Variants in TTLL5 observed in about 807,000 individuals in gnomAD.
The protein encoded by TTLL5 is tubulin tyrosine ligase like 5.
Under a neutral mutation model 168.4 loss-of-function variants are expected in TTLL5, and 132 were observed. The observed-to-expected ratio is 0.78, with a 90% CI of 0.68 to 0.91. TTLL5 has a LOEUF of 0.91. Among genes scored for constraint, TTLL5 ranks in the 40% least tolerant of loss-of-function variants. The pLI is 0.00. For synonymous variants in TTLL5, 546 were observed against 558.6 expected (o/e 0.98, Z 0.32); for missense variants, 1,545 against 1,581.5 (o/e 0.98, Z 0.39).
At chr14:75,741,768 C>T (rs978185634) in intron 15 of TTLL5, among the ~76,000 whole-genome samples, 3 of 152,036 alleles carry the variant, frequency 2.0e-5, no homozygotes, top group Admixed American at 6.6e-5. Context: ...CTACCCGACC[C>T]CAAACATTCA....
At chr14:75,831,369 A>G (rs549974292) in intron 28 of TTLL5, among the ~76,000 whole-genome samples, 49 of 152,346 alleles carry the variant, frequency 3.2e-4, no homozygotes, top group African/African-American at 1.1e-3. Context: ...CAGTGTAACT[A>G]GTATTTAACC....
rs1555353208 is a variant in TTLL5 at position 75,874,933 on chromosome 14, C to CTTTTTTTTTTTTTTTTTT, written c.3523-7751_3523-7734dup. On this transcript the variant is annotated intron_variant, in intron 29 of 31. Coordinates refer to ENST00000298832, the MANE Select transcript of TTLL5 (RefSeq NM_015072.5). Reference sequence around the variant, plus strand: ...AGAGAAAAAAAAAGACACTGGGGGCCTTTTTTTTTTTTTTTTTTGAGACGG... The same window carrying CTTTTTTTTTTTTTTTTTT: ...AGAGAAAAAAAAAGACACTGGGGGCCTTTTTTTTTTTTTTTTTTTTTTTTTTTTTTTTTTTTGAGACGG... Among the ~76,000 whole-genome samples the CTTTTTTTTTTTTTTTTTT allele has an allele frequency of 1.6e-3, 157 of 97,496 alleles. 6 individuals are homozygous for CTTTTTTTTTTTTTTTTTT. Among genetic ancestry groups the CTTTTTTTTTTTTTTTTTT allele is most frequent in the African/African-American group, 6.4e-3 (131 of 20,336 alleles). The allele number at this position is 97,496 out of a possible 152,430, so 64.0% of individuals were successfully genotyped here.
At chr14:75,899,736 T>C (rs1042565062) in intron 30 of TTLL5, among the ~76,000 whole-genome samples, 2 of 152,196 alleles carry the variant, frequency 1.3e-5, no homozygotes, top group Admixed American at 6.5e-5. Flanking sequence ...TTAGAGGATC[T>C]TCAGTAAAGA....
rs557394166 is a variant in TTLL5, at chr14:75,876,616, A to G, written c.3523-6069A>G. Among the ~76,000 whole-genome samples the G allele has an allele frequency of 3.0e-4, 46 of 152,296 alleles. 1 individual carries two copies. The highest frequency in any genetic ancestry group is 1.2e-3 in the South Asian group (6 of 4,814). On this transcript the variant is annotated intron_variant, in intron 29 of 31. Coordinates refer to ENST00000298832, the MANE Select transcript of TTLL5 (RefSeq NM_015072.5). ...CTATATGAAGAGGAGCAACTTCTGG[A>G]TTGCTGTCCCATTCCTATTGGAGTC...
chr14:75,906,694 G>A (rs2033159305), intron 31 of TTLL5: 1 of 985,720 alleles, frequency 1.0e-6, no homozygotes, highest in South Asian at 4.7e-5. Flanking sequence ...GTAAGAATAA[G>A]AGCATATTTT....
chr14:75,753,009 G>GT, intron 18 of TTLL5, 54 bp downstream of exon 18: 2 of 1,530,104 alleles, frequency 1.3e-6, no homozygotes, highest in Non-Finnish European at 1.8e-6. Flanking sequence ...TTAACAGAAA[G>GT]TACATGTCAA....
At chr14:75,696,847 G>GT (rs1885911919) in intron 6 of TTLL5, among the ~76,000 whole-genome samples, 3 of 152,096 alleles carry the variant, frequency 2.0e-5, no homozygotes, top group Admixed American at 1.3e-4. Flanking sequence ...CCTGCACTTT[G>GT]TTTTTTTCAT....
chr14:75,820,177 T>C lies in TTLL5; in HGVS notation c.3326+16T>C. 1 of 1,559,142 alleles carries C rather than the reference T, an allele frequency of 6.4e-7. No individual in the cohort carries two copies. The highest frequency in any genetic ancestry group is 8.6e-7 in the Non-Finnish European group (1 of 1,156,638). On this transcript the variant is annotated intron_variant, in intron 28 of 31. Coordinates refer to ENST00000298832, the MANE Select transcript of TTLL5 (RefSeq NM_015072.5). ...CTGGAAGCAGGTATGTGAAGGGCCC[T>C]GCAACTAGCATTTGGGTTACTCAGG...
chr14:75,944,234 G>A lies in TTLL5; in HGVS notation c.3824-10190G>A, dbSNP rs2034700044. On this transcript the variant is annotated intron_variant, in intron 31 of 31. Transcript: ENST00000298832. Reference sequence around the variant, plus strand: ...ACATATTTTGGTGCCATGTGACTTGGATACCTTCCGCCGGTAACATACTTT... The same window carrying A: ...ACATATTTTGGTGCCATGTGACTTGAATACCTTCCGCCGGTAACATACTTT... Among the ~76,000 whole-genome samples the A allele has an allele frequency of 2.6e-5, 4 of 152,288 alleles. No homozygotes were observed. In the South Asian group the frequency reaches 8.3e-4, roughly 32 times the overall value.
At chr14:75,825,308 C>T (rs1249572795) in intron 28 of TTLL5, among the ~76,000 whole-genome samples, 1 of 152,156 alleles carries the variant, frequency 6.6e-6, no homozygotes, top group Non-Finnish European at 1.5e-5. Flanking sequence ...TGGCCATCAC[C>T]CTGTGCAGTA....
At chr14:75,776,724 T>C (rs1177145536) in intron 22 of TTLL5, 23 bp from the exon 23 acceptor site, 5 of 1,584,792 alleles carry the variant, frequency 3.2e-6, no homozygotes, top group Non-Finnish European at 4.3e-6. Flanking sequence ...GTTGTTTTTC[T>C]GTGGGGTTTG....
In TTLL5 at chr14:75,707,637, G is replaced by A. The variant is rs17849666; in HGVS notation, c.670G>A (p.Val224Met). 1.3e-3 allele frequency: 2,101 copies of A among 1,608,894 alleles called. 7 individuals carry two copies. Among genetic ancestry groups the A allele is most frequent in the Middle Eastern group, 3.1e-3 (19 of 6,036 alleles). The stretch of plus-strand genomic sequence containing the variant: ...TTTTTTTTTAGATTTCAAGTTTGAC[G>A]TGCGCCTCTATGTGCTCGTGACTTC... ...PLLIDDFKFDVRLYVLVTSYD... is the reference protein window; with the variant it reads ...PLLIDDFKFDMRLYVLVTSYD... The change falls in exon 9 of 32, where the codon GTG (valine) becomes ATG (methionine). Residue 224 changes from valine (V) to methionine (M), a missense_variant. Transcript: ENST00000298832.
At chr14:75,877,838 C>T (rs1435044746) in intron 29 of TTLL5, among the ~76,000 whole-genome samples, 1 of 152,120 alleles carries the variant, frequency 6.6e-6, no homozygotes, top group Non-Finnish European at 1.5e-5. Context: ...TCTCAGGGTG[C>T]CTGGAGAGGC....
chr14:75,796,080 C>T (rs888137881), intron 27 of TTLL5, among the ~76,000 whole-genome samples: 1 of 152,154 alleles, frequency 6.6e-6, no homozygotes, highest in South Asian at 2.1e-4. Context: ...TCACCTCTTC[C>T]ATGCCAACAT....
intron 9 of TTLL5, 79 bp downstream of exon 9, chr14:75,707,786 T>A: frequency 2.5e-6 from 3 of 1,194,470 alleles, no homozygotes; most frequent in Non-Finnish European, 3.7e-6. Flanking sequence ...CATTAACAAG[T>A]TTATTAAATC....
chr14:75,765,592 G>T (rs1053636701), intron 19 of TTLL5, among the ~76,000 whole-genome samples: 1 of 152,114 alleles, frequency 6.6e-6, no homozygotes. Flanking sequence ...GCCAGGCATG[G>T]TGCCTCATGC....
At chr14:75,772,537 T>C (rs1891402624) in intron 21 of TTLL5, among the ~76,000 whole-genome samples, 1 of 152,214 alleles carries the variant, frequency 6.6e-6, no homozygotes, top group Non-Finnish European at 1.5e-5. Context: ...TTTTACTGTA[T>C]ATCAGTCATT....
chr14:75,942,617 G>A (rs950087785), intron 31 of TTLL5, among the ~76,000 whole-genome samples: 8 of 152,176 alleles, frequency 5.3e-5, no homozygotes, highest in African/African-American at 1.2e-4. Context: ...AAATGAGCAC[G>A]ACATGTGAAT....
At chr14:75,865,499 C>G (rs778454944) in intron 29 of TTLL5, among the ~76,000 whole-genome samples, 1 of 152,004 alleles carries the variant, frequency 6.6e-6, no homozygotes, top group African/African-American at 2.4e-5. Flanking sequence ...CATAACAAAC[C>G]TGAGCATGCA....
Sources: allele counts gnomAD v4.1 joint callset (sites outside exome capture counted in the v4.1 genomes callset), GRCh38; gene constraint gnomAD v4.1.1; transcripts MANE v1.5; gene names NCBI Gene and HGNC (gene_info 2026-07-23, HGNC 2026-07-21).